Variants in ANTXR2 observed in about 807,000 individuals in gnomAD.
The protein encoded by ANTXR2 is anthrax toxin receptor 2.
In ANTXR2, 44 loss-of-function variants were observed where a neutral mutation model predicts 73.7. That is an observed-to-expected ratio of 0.60 (90% CI 0.47 to 0.77). The LOEUF is 0.77. Ranked by LOEUF, ANTXR2 falls within the 30% of genes least tolerant of loss-of-function variation. The pLI is 0.00. For missense variants in ANTXR2, 604 were observed against 592.5 expected, an observed-to-expected ratio of 1.02 and a Z score of -0.20; for synonymous variants, 217 against 205.9, an observed-to-expected ratio of 1.05 and a Z score of -0.46.
Position 80,051,867 on chromosome 4 carries a change from A to G in ANTXR2, c.636+2405T>C, listed in dbSNP as rs190650567. 1.7e-3 allele frequency among the ~76,000 whole-genome samples: 257 copies of G among 151,772 alleles called. 1 individual carries two copies. Among genetic ancestry groups the G allele is most frequent in the African/African-American group, 5.4e-3 (222 of 41,484 alleles). ...TTAAGAAATTAATTCTAGACAAATG[A>G]TGTCTTAACAATATATGATATCTTA... On this transcript the variant is annotated intron_variant, in intron 7 of 16. Coordinates refer to ENST00000403729, the MANE Select transcript of ANTXR2 (RefSeq NM_058172.6).
At chr4:79,925,477 T>C (rs1727747554) in intron 16 of ANTXR2, among the ~76,000 whole-genome samples, 2 of 152,076 alleles carry the variant, frequency 1.3e-5, no homozygotes, top group South Asian at 4.1e-4. Context: ...ACCATGTAAA[T>C]GTATTACTTT....
chr4:79,983,895 C>T lies in ANTXR2; in HGVS notation c.1162G>A (p.Gly388Arg). The stretch of plus-strand genomic sequence containing the variant: ...ATACCAACCTCCATTCTTTTAATTC[C>T]TCCAACCCCTCGACCACCATAATAG... ...ASYYGGRGVG[G>R]IKRMEVRWGD... Residue 388 changes from glycine (G) to arginine (R), a missense_variant, in exon 14 of 17, where the codon GGA (glycine) becomes AGA (arginine). Physicochemically the swap from Gly to Arg is moderately radical, Grantham distance 125. Transcript: ENST00000403729. 1 of 1,611,334 alleles carries T rather than the reference C, an allele frequency of 6.2e-7. No homozygotes were observed. The highest frequency in any genetic ancestry group is 8.5e-7 in the Non-Finnish European group (1 of 1,178,594).
intron 3 of ANTXR2, among the ~76,000 whole-genome samples, chr4:80,066,907 G>T (rs538861554): frequency 2.0e-4 from 31 of 152,262 alleles, no homozygotes; most frequent in African/African-American, 6.5e-4. Flanking sequence ...TTAAAGAAAG[G>T]CCTCTTCTGG....
Position 79,901,885 on chromosome 4 carries a change from C to T in ANTXR2, c.*5544G>A, listed in dbSNP as rs1252193100. The T allele has an allele frequency of 6.6e-6, 1 of 152,038 alleles. No homozygotes were observed. Among genetic ancestry groups the T allele is most frequent in the African/African-American group, 2.4e-5 (1 of 41,382 alleles). 9.4% of individuals were successfully genotyped at this position (152,038 alleles called of 1,614,324 possible). A position where few individuals can be genotyped will look rare whatever the true frequency, so the allele number is the denominator to read the frequency against. On this transcript the variant is annotated 3_prime_UTR_variant, in exon 17 of 17. Transcript: ENST00000403729. ...ATGCTGCTGCTGATCTCACAGGAGA[C>T]ACAGCTCAGGTGGTAATGCGAGCGA...
intron 7 of ANTXR2, among the ~76,000 whole-genome samples, chr4:80,039,586 A>G (rs4374575): frequency 0.38 from 57,096 of 151,946 alleles, 12,446 homozygotes; most frequent in Non-Finnish European, 0.47. Flanking sequence ...AAAATGAGAT[A>G]CCATCTCACA....
chr4:79,980,921 TAAAAAA>T (rs11397721), intron 14 of ANTXR2, among the ~76,000 whole-genome samples: 41 of 137,560 alleles, frequency 3.0e-4, no homozygotes, highest in African/African-American at 7.1e-4. Flanking sequence ...TTAAGGGCTT[TAAAAAA>T]AAAAAAAAAA....
intron 7 of ANTXR2, among the ~76,000 whole-genome samples, chr4:80,053,339 A>G (rs2110106034): frequency 6.6e-6 from 1 of 151,820 alleles, no homozygotes; most frequent in Admixed American, 6.6e-5. Context: ...AGATGTACTG[A>G]TAAGTGATGA....
chr4:79,977,766 G>C, intron 15 of ANTXR2, 65 bp from the exon 16 acceptor site: 1 of 1,438,154 alleles, frequency 7.0e-7, no homozygotes. Context: ...CTGAATAAAT[G>C]AAGACATAAA....
intron 7 of ANTXR2, among the ~76,000 whole-genome samples, chr4:80,048,290 A>T (rs1380029017): frequency 1.3e-5 from 2 of 150,684 alleles, no homozygotes; most frequent in Admixed American, 6.6e-5. Flanking sequence ...AAACAAAAAC[A>T]GGAGTTGGGG....
intron 16 of ANTXR2, among the ~76,000 whole-genome samples, chr4:79,949,985 A>G (rs1728645137): frequency 6.6e-6 from 1 of 152,182 alleles, no homozygotes; most frequent in Admixed American, 6.5e-5. Context: ...TGATTAAGGG[A>G]CAAGAACAGC....
intron 7 of ANTXR2, among the ~76,000 whole-genome samples, chr4:80,049,717 G>T (rs370880727): frequency 1.3e-5 from 2 of 151,602 alleles, no homozygotes; most frequent in Non-Finnish European, 3.0e-5. Flanking sequence ...CTTAGTCAGG[G>T]ACAGAATGCC....
At chr4:79,978,697 A>G (rs1009235900) in intron 14 of ANTXR2, among the ~76,000 whole-genome samples, 1 of 152,222 alleles carries the variant, frequency 6.6e-6, no homozygotes, top group African/African-American at 2.4e-5. Context: ...AGGGAGGTTA[A>G]GTGATATGCC....
chr4:79,996,376 T>C (rs1730731107), intron 12 of ANTXR2, among the ~76,000 whole-genome samples: 1 of 151,736 alleles, frequency 6.6e-6, no homozygotes, highest in Non-Finnish European at 1.5e-5. Context: ...AATTGACAAA[T>C]AGATGATAGA....
chr4:79,984,905 G>A (rs758944263), intron 12 of ANTXR2, 42 bp from the exon 13 acceptor site: 3 of 1,452,844 alleles, frequency 2.1e-6, no homozygotes, highest in Non-Finnish European at 2.8e-6. Flanking sequence ...ATGGCATAGA[G>A]AGGAGATAGT....
rs1733947109 is a variant in ANTXR2 at position 80,055,372 on chromosome 4, A to G, written c.474T>C (p.Tyr158=). ...GTTCAATACTCACCTCTTTCTCTGCATATGATGGCACCAGACCGTCCAACT... is the reference window on the plus strand; with the variant it reads ...GTTCAATACTCACCTCTTTCTCTGCGTATGATGGCACCAGACCGTCCAACT... ...DGKLDGLVPS[Y]AEKEAKISRS... is the part of the protein sequence containing the mutation. Residue 158 remains tyrosine (Y), a synonymous_variant, in exon 5 of 17, where the codon TAT becomes TAC. Transcript: ENST00000403729. The G allele has an allele frequency of 6.2e-7, 1 of 1,610,572 alleles. No homozygotes were observed. Among genetic ancestry groups the G allele is most frequent in the African/African-American group, 1.3e-5 (1 of 74,836 alleles).
At chr4:79,952,319 T>A (rs186923170) in intron 16 of ANTXR2, among the ~76,000 whole-genome samples, 1 of 151,906 alleles carries the variant, frequency 6.6e-6, no homozygotes, top group Non-Finnish European at 1.5e-5. Flanking sequence ...CTTTGGGTTA[T>A]AATTTTTGAG....
intron 16 of ANTXR2, among the ~76,000 whole-genome samples, chr4:79,934,542 CA>C (rs755634385): frequency 3.3e-4 from 45 of 138,288 alleles, no homozygotes; most frequent in African/African-American, 3.1e-4. Context: ...ACAACAACAA[CA>C]AAAAAAAAAA....
chr4:80,019,605 C>T (rs564490129), intron 10 of ANTXR2, among the ~76,000 whole-genome samples: 14 of 152,236 alleles, frequency 9.2e-5, no homozygotes, highest in African/African-American at 3.4e-4. Flanking sequence ...CCCATTTAGC[C>T]TATTTCTCTG....
chr4:80,020,976 G>A (rs375003831), intron 10 of ANTXR2, among the ~76,000 whole-genome samples: 6 of 151,360 alleles, frequency 4.0e-5, no homozygotes, highest in South Asian at 4.2e-4. Context: ...GTGAAACCCC[G>A]TCTCTACTAA....
Sources: gnomAD v4.1 joint callset for allele counts (sites outside exome capture counted in the v4.1 genomes callset) on GRCh38, gnomAD v4.1.1 for gene constraint, MANE v1.5 for transcripts, NCBI Gene and HGNC (gene_info 2026-07-23, HGNC 2026-07-21) for gene names.